ATG10: variants seen among roughly 807,000 people sequenced by gnomAD.
ATG10 encodes ubiquitin-like-conjugating enzyme ATG10.
Under a neutral mutation model 32.1 loss-of-function variants are expected in ATG10, and 30 were observed. The ratio of observed to expected loss-of-function variants is 0.94; its 90% CI spans 0.70 to 1.27. The LOEUF (loss-of-function observed/expected upper bound fraction) is 1.27. Among genes scored for constraint, ATG10 ranks in the 50% most tolerant of loss-of-function variants. The pLI, the probability that ATG10 is intolerant of heterozygous loss-of-function variation, is 0.00. For synonymous variants in ATG10, 87 were observed against 91.5 expected, an observed-to-expected ratio of 0.95 and a Z score of 0.28; for missense variants, 233 against 262.3, an observed-to-expected ratio of 0.89 and a Z score of 0.77.
At chr5:82,076,901 C>T (rs760409223) in intron 3 of ATG10, among the ~76,000 whole-genome samples, 14 of 152,140 alleles carry the variant, frequency 9.2e-5, no homozygotes, top group South Asian at 2.1e-4. Context: ...ATTTTCAGAT[C>T]GCCTAATTCT....
intron 1 of ATG10, among the ~76,000 whole-genome samples, chr5:81,981,944 A>G (rs1469180167): frequency 2.6e-5 from 4 of 152,266 alleles, no homozygotes; most frequent in African/African-American, 9.6e-5. Flanking sequence ...ATATTTGAAC[A>G]GCAGCAGAAT....
intron 5 of ATG10, among the ~76,000 whole-genome samples, chr5:82,194,588 T>G (rs1031400374): frequency 1.2e-4 from 19 of 152,326 alleles, no homozygotes; most frequent in African/African-American, 4.3e-4. Context: ...CTGAGATCAG[T>G]GTGGCCAGGC....
chr5:82,114,774 G>A (rs1162347808), intron 3 of ATG10, among the ~76,000 whole-genome samples: 1 of 152,036 alleles, frequency 6.6e-6, no homozygotes, highest in Non-Finnish European at 1.5e-5. Flanking sequence ...GTGGGCGGCA[G>A]TCTGACTGAT....
intron 2 of ATG10, among the ~76,000 whole-genome samples, chr5:81,996,103 T>G (rs1761656155): frequency 1.3e-5 from 2 of 152,248 alleles, no homozygotes; most frequent in Admixed American, 1.3e-4. Context: ...CACTACTTAA[T>G]TTTTGCTTAA....
intron 2 of ATG10, chr5:82,009,792 G>T: frequency 1.2e-5 from 19 of 1,606,982 alleles, no homozygotes; most frequent in Non-Finnish European, 1.6e-5. Flanking sequence ...TCCAGCATTT[G>T]CCATGGACAA....
intron 3 of ATG10, among the ~76,000 whole-genome samples, chr5:82,097,936 TAAAC>T: frequency 6.6e-6 from 1 of 152,208 alleles, no homozygotes; most frequent in East Asian, 1.9e-4. Flanking sequence ...AAACGAGCAA[TAAAC>T]ATGACATTTT....
chr5:82,161,329 G>GC (rs1360886317), intron 3 of ATG10, among the ~76,000 whole-genome samples: 1 of 152,104 alleles, frequency 6.6e-6, no homozygotes, highest in Non-Finnish European at 1.5e-5. Flanking sequence ...GCACTCAGCT[G>GC]CCAGTGAGAA....
intron 3 of ATG10, among the ~76,000 whole-genome samples, chr5:82,072,115 G>A (rs1054019899): frequency 6.6e-6 from 1 of 152,114 alleles, no homozygotes; most frequent in African/African-American, 2.4e-5. Context: ...ATGGATGGAT[G>A]GTATTTGACT....
chr5:82,088,695 A>G (rs1215301444), intron 3 of ATG10, among the ~76,000 whole-genome samples: 1 of 152,118 alleles, frequency 6.6e-6, no homozygotes, highest in African/African-American at 2.4e-5. Flanking sequence ...TTATAATGAG[A>G]CCTAACACAA....
intron 1 of ATG10, chr5:81,976,342 T>G (rs1760875948): frequency 6.6e-6 from 1 of 151,802 alleles, no homozygotes; most frequent in Non-Finnish European, 1.5e-5. Flanking sequence ...GCCACAAAGT[T>G]CCAAGCTTCA....
chr5:82,084,097 G>A (rs913985063), intron 3 of ATG10, among the ~76,000 whole-genome samples: 4 of 152,150 alleles, frequency 2.6e-5, no homozygotes, highest in Non-Finnish European at 2.9e-5. Context: ...AAGATTAGAC[G>A]AATGGCTAAC....
chr5:82,158,348 G>GCCCCC (rs59577564), intron 3 of ATG10, among the ~76,000 whole-genome samples: 2 of 145,978 alleles, frequency 1.4e-5, no homozygotes, highest in Admixed American at 6.9e-5. Context: ...AAATACAGCT[G>GCCCCC]CCCCCCCGCC....
At chr5:82,186,822 TC>T (rs1258402940) in intron 5 of ATG10, among the ~76,000 whole-genome samples, 4 of 152,162 alleles carry the variant, frequency 2.6e-5, no homozygotes, top group African/African-American at 9.7e-5. Flanking sequence ...CCTTGAGTGA[TC>T]CGCCAGCCTT....
intron 3 of ATG10, among the ~76,000 whole-genome samples, chr5:82,141,118 C>T (rs1244809151): frequency 7.1e-6 from 1 of 140,286 alleles, no homozygotes; most frequent in African/African-American, 2.7e-5. Context: ...CCTAGGAAAA[C>T]CAGAGACCTT....
chr5:82,094,109 G>A (rs148009503), intron 3 of ATG10, among the ~76,000 whole-genome samples: 14 of 152,146 alleles, frequency 9.2e-5, no homozygotes, highest in African/African-American at 2.7e-4. Flanking sequence ...ACCTCATCGC[G>A]GGAAGCCTTA....
At chr5:82,199,455 A>G (rs1007360103) in intron 5 of ATG10, among the ~76,000 whole-genome samples, 2 of 152,206 alleles carry the variant, frequency 1.3e-5, no homozygotes, top group Non-Finnish European at 2.9e-5. Context: ...TGAAAGGAGC[A>G]TAGACTTTAC....
intron 1 of ATG10, among the ~76,000 whole-genome samples, chr5:81,981,513 T>C (rs1761047848): frequency 1.3e-5 from 2 of 152,134 alleles, no homozygotes; most frequent in African/African-American, 4.8e-5. Context: ...GCATGTTTTT[T>C]AAAAAAGAGT....
chr5:82,085,037 A>T lies in ATG10; in HGVS notation c.216+26435A>T, dbSNP rs572024100. ...CTCCAATTAAAAGACACAGACTGGC[A>T]AATTGGATAAAGAATCAAGACCCAT... On this transcript the variant is annotated intron_variant, in intron 3 of 7. Coordinates refer to ENST00000282185, the MANE Select transcript of ATG10 (RefSeq NM_031482.5). Among the ~76,000 whole-genome samples, 286 of 152,308 alleles carry T rather than the reference A, an allele frequency of 1.9e-3. 1 individual carries two copies. Among genetic ancestry groups the T allele is most frequent in the Non-Finnish European group, 3.3e-3 (222 of 68,030 alleles).
intron 5 of ATG10, among the ~76,000 whole-genome samples, chr5:82,223,432 A>G (rs1314400588): frequency 6.6e-6 from 1 of 152,204 alleles, no homozygotes; most frequent in Non-Finnish European, 1.5e-5. Context: ...CATATTATCA[A>G]TCCTTAAGCA....
Sources: gnomAD v4.1 joint callset for allele counts (sites outside exome capture counted in the v4.1 genomes callset) on GRCh38, gnomAD v4.1.1 for gene constraint, MANE v1.5 for transcripts, NCBI Gene and HGNC (gene_info 2026-07-23, HGNC 2026-07-21) for gene names.